Variants in DNAJC9 observed in about 807,000 individuals in gnomAD.
DNAJC9 encodes DnaJ heat shock protein family (Hsp40) member C9, also known as dnaJ homolog subfamily C member 9.
DNAJC9 carries 18 observed loss-of-function variants against 32.4 expected under a neutral mutation model. The observed-to-expected ratio is 0.56, with a 90% CI of 0.38 to 0.82. The LOEUF (loss-of-function observed/expected upper bound fraction) is 0.82. Ranked by LOEUF, DNAJC9 falls within the 40% of genes least tolerant of loss-of-function variation. The pLI, the probability that DNAJC9 is intolerant of heterozygous loss-of-function variation, is 0.00. For missense variants in DNAJC9, 310 were observed against 321.8 expected (o/e 0.96, Z 0.28); for synonymous variants, 113 against 122.1 (o/e 0.93, Z 0.49).
downstream of DNAJC9, chr10:73,235,562 C>T (rs2043802869): frequency 5.2e-6 from 4 of 765,152 alleles, no homozygotes; most frequent in Middle Eastern, 1.4e-3. Flanking sequence ...TAAGATATGT[C>T]TGACCACAAG....
chr10:73,233,205 T>A, intron 2 of DNAJC9: 1 of 1,296,206 alleles, frequency 7.7e-7, no homozygotes, highest in Non-Finnish European at 1.1e-6. Context: ...GTGGTAAAAC[T>A]AACACATTTT....
At chr10:73,236,255 A>G (rs1212574065), downstream of DNAJC9, among the ~76,000 whole-genome samples, 1 of 152,206 alleles carries the variant, frequency 6.6e-6, no homozygotes, top group African/African-American at 2.4e-5. Context: ...TTTTCCTCAC[A>G]GTTCCAGAGG....
chr10:73,234,933 G>C, downstream of DNAJC9: 1 of 1,551,994 alleles, frequency 6.4e-7, no homozygotes, highest in Non-Finnish European at 8.7e-7. Context: ...GGGCCACAAA[G>C]ACAGATGGTA....
At chr10:73,237,002 C>T (rs1028033169), downstream of DNAJC9, among the ~76,000 whole-genome samples, 55 of 152,314 alleles carry the variant, frequency 3.6e-4, no homozygotes, top group African/African-American at 1.3e-3. Flanking sequence ...GCATGAGCCA[C>T]ATGCCCAGCC....
chr10:73,243,600 A>G, intron 4 of DNAJC9, 81 bp from the exon 5 acceptor site: 19 of 1,564,432 alleles, frequency 1.2e-5, no homozygotes, highest in Non-Finnish European at 1.7e-5. Flanking sequence ...GGGCTGGAAA[A>G]GTGGAATAAC....
In DNAJC9 at chr10:73,245,883, A is replaced by G. The variant is rs571253077; in HGVS notation, c.576+39T>C. 6.3e-6 allele frequency: 10 copies of G among 1,595,136 alleles called. No individual in the cohort carries two copies. The East Asian group carries it at 2.2e-4, about 36-fold the overall frequency. ...TAAATACTCTCAAATCCTTTTTGGA[A>G]GCAGTCAAAATATAAATCCACAGTA... is the stretch of plus-strand genomic sequence containing the variant. On this transcript the variant is annotated intron_variant, in intron 3 of 4. Transcript: ENST00000372950.
downstream of DNAJC9, chr10:73,241,047 C>T (rs773753045): frequency 3.1e-6 from 4 of 1,276,842 alleles, no homozygotes; most frequent in Non-Finnish European, 4.4e-6. Context: ...TATCAGGCTG[C>T]AGGAAACACG....
At chr10:73,236,161 G>A (rs1276355375), downstream of DNAJC9, among the ~76,000 whole-genome samples, 5 of 152,182 alleles carry the variant, frequency 3.3e-5, no homozygotes, top group Non-Finnish European at 5.9e-5. Context: ...GAGTGGTAAG[G>A]ATAATCAATA....
chr10:73,241,306 C>T (rs2043947075), downstream of DNAJC9: 3 of 385,578 alleles, frequency 7.8e-6, 1 homozygote, highest in South Asian at 6.7e-5. Flanking sequence ...CAAATCACTG[C>T]TCATGTTATC....
chr10:73,239,369 G>A, downstream of DNAJC9: 2 of 1,551,536 alleles, frequency 1.3e-6, no homozygotes, highest in Non-Finnish European at 1.7e-6. Context: ...GGCCCGACCT[G>A]GCAGGGGATC....
chr10:73,239,467 C>T (rs539887993), downstream of DNAJC9: 1,029 of 976,746 alleles, frequency 1.1e-3, 11 homozygotes, highest in South Asian at 0.015. Flanking sequence ...ACACCTATTT[C>T]CCCTTCTTTC....
intron 3 of DNAJC9, among the ~76,000 whole-genome samples, chr10:73,244,948 T>C (rs1374280754): frequency 2.6e-5 from 4 of 152,194 alleles, no homozygotes; most frequent in Non-Finnish European, 5.9e-5. Context: ...ATCAAAACTA[T>C]GCCATTTTCT....
At position 73,246,073 on chromosome 10, in the gene DNAJC9, T is replaced by A. The variant is rs1169387296; in HGVS notation, c.425A>T (p.Asp142Val). 6.2e-7 allele frequency: 1 copy of A among 1,613,762 alleles called. No individual in the cohort carries two copies. Among genetic ancestry groups the A allele is most frequent in the African/African-American group, 1.3e-5 (1 of 74,916 alleles). The change falls in exon 3 of 5, where the codon GAT (aspartate) becomes GTT (valine). Residue 142 changes from aspartate (D) to valine (V), a missense_variant. Transcript: ENST00000372950. ...GCAAAGCACAGACTCCATGATCTGA[T>A]CCATGTCACCCTTGAAGTCCAGATA... Reference protein sequence around the residue: ...QAYLDFKGDMDQIMESVLCVQ... With the variant: ...QAYLDFKGDMVQIMESVLCVQ...
chr10:73,243,788 T>C, intron 4 of DNAJC9, 55 bp downstream of exon 4: 1 of 1,459,752 alleles, frequency 6.9e-7, no homozygotes, highest in Non-Finnish European at 9.5e-7. Context: ...CCAAAGAAAA[T>C]ATTAGCAGTA....
At chr10:73,239,898 T>C (rs187267991), downstream of DNAJC9, among the ~76,000 whole-genome samples, 1 of 152,334 alleles carries the variant, frequency 6.6e-6, no homozygotes, top group East Asian at 1.9e-4. Context: ...ACTCTGTAGA[T>C]GTACTAACAA....
chr10:73,246,161 T>C lies in DNAJC9; in HGVS notation c.337A>G (p.Ile113Val), dbSNP rs137976103. The part of the protein sequence containing the change: ...LLFKKISLED[I>V]QAFEKTYKGS... ...TTGTATGTCTTTTCAAAAGCTTGAA[T>C]GTCCTCTAAAGATATCTGATGATAA... The change falls in exon 3 of 5, where the codon ATT becomes GTT. Residue 113 changes from isoleucine (I) to valine (V), a missense_variant. Coordinates refer to ENST00000372950, the MANE Select transcript of DNAJC9 (RefSeq NM_015190.5). The C allele has an allele frequency of 1.2e-6, 2 of 1,612,526 alleles. No homozygotes were observed. Among genetic ancestry groups the C allele is most frequent in the African/African-American group, 2.7e-5 (2 of 74,946 alleles).
chr10:73,233,841 C>T (rs545155705), downstream of DNAJC9, among the ~76,000 whole-genome samples: 1 of 152,290 alleles, frequency 6.6e-6, no homozygotes, highest in African/African-American at 2.4e-5. Flanking sequence ...ATAGTTAATT[C>T]CCCTTTAAGG....
At chr10:73,241,006 G>A (rs2043939493), downstream of DNAJC9, 1 of 1,540,220 alleles carries the variant, frequency 6.5e-7, no homozygotes, top group Non-Finnish European at 8.8e-7. Flanking sequence ...TCTCGAACCA[G>A]GCAGGGACCA....
At chr10:73,234,927 C>A, downstream of DNAJC9, 1 of 1,552,014 alleles carries the variant, frequency 6.4e-7, no homozygotes, top group South Asian at 1.2e-5. Context: ...ACTGTGGGGC[C>A]ACAAAGACAG....
Sources: gnomAD v4.1 joint callset for allele counts (sites outside exome capture counted in the v4.1 genomes callset) on GRCh38, gnomAD v4.1.1 for gene constraint, MANE v1.5 for transcripts, NCBI Gene and HGNC (gene_info 2026-07-23, HGNC 2026-07-21) for gene names.